The following BICD1 variants were observed in gnomAD, a reference collection of about 807,000 sequenced individuals.
BICD1 encodes BICD cargo adaptor 1.
A neutral mutation model predicts 92.5 loss-of-function variants in BICD1; 35 were observed. The observed-to-expected ratio is 0.38, with a 90% CI of 0.29 to 0.50. The LOEUF (loss-of-function observed/expected upper bound fraction) is 0.50. Ranked by LOEUF, BICD1 falls within the 20% of genes least tolerant of loss-of-function variation. BICD1 has a pLI of 0.93. For missense variants in BICD1, 950 were observed against 1,189.8 expected (o/e 0.80, Z 2.97); for synonymous variants, 429 against 465.1 (o/e 0.92, Z 1.00).
chr12:32,211,140 G>C (rs1945201266), intron 1 of BICD1, among the ~76,000 whole-genome samples: 1 of 152,196 alleles, frequency 6.6e-6, no homozygotes. Context: ...TTAGTTCTCA[G>C]TGGATTTGCA....
chr12:32,358,353 A>C (rs981851562), intron 8 of BICD1, among the ~76,000 whole-genome samples: 12 of 151,740 alleles, frequency 7.9e-5, no homozygotes, highest in Non-Finnish European at 1.3e-4. Context: ...TGCCAGCCTC[A>C]GTTTCCCAAA....
chr12:32,298,309 C>T (rs1947930655), intron 3 of BICD1, among the ~76,000 whole-genome samples: 1 of 152,084 alleles, frequency 6.6e-6, no homozygotes, highest in Non-Finnish European at 1.5e-5. Context: ...TGCCTGGAAT[C>T]CCAGCACTTT....
intron 2 of BICD1, among the ~76,000 whole-genome samples, chr12:32,222,086 C>T (rs1302594462): frequency 6.6e-6 from 1 of 152,130 alleles, no homozygotes; most frequent in East Asian, 1.9e-4. Context: ...CTACTTAATT[C>T]TCCCAATTAC....
intron 1 of BICD1, among the ~76,000 whole-genome samples, chr12:32,142,496 A>ATCTATCTATCTATTGG (rs1555134359): frequency 4.5e-3 from 331 of 73,330 alleles, no homozygotes; most frequent in Admixed American, 9.2e-3. Context: ...CTATTGGTCT[A>ATCTATCTATCTATTGG]TCTATCTAGA....
intron 1 of BICD1, among the ~76,000 whole-genome samples, chr12:32,122,503 AC>A (rs900482174): frequency 6.7e-6 from 1 of 148,604 alleles, no homozygotes; most frequent in African/African-American, 2.5e-5. Context: ...AAAAAAAAAA[AC>A]AAATAACAAA....
intron 2 of BICD1, among the ~76,000 whole-genome samples, chr12:32,230,585 C>T (rs767726295): frequency 2.6e-5 from 4 of 152,048 alleles, no homozygotes; most frequent in African/African-American, 4.8e-5. Flanking sequence ...GTGTTTGCTA[C>T]ATAACAGTAA....
intron 9 of BICD1, 136 bp downstream of exon 9, chr12:32,367,881 C>A: frequency 3.8e-6 from 3 of 779,926 alleles, no homozygotes; most frequent in Non-Finnish European, 6.4e-6. Context: ...GCTACATAGA[C>A]ACACATTGGA....
At chr12:32,142,453 C>CTATCTATCCTAT (rs1238808044) in intron 1 of BICD1, among the ~76,000 whole-genome samples, 17 of 112,894 alleles carry the variant, frequency 1.5e-4, no homozygotes, top group African/African-American at 6.3e-4. Context: ...ACCTATCTAT[C>CTATCTATCCTAT]CTATCTATCT....
intron 8 of BICD1, among the ~76,000 whole-genome samples, chr12:32,349,440 C>T (rs1352303772): frequency 2.0e-5 from 3 of 152,144 alleles, no homozygotes; most frequent in Admixed American, 6.5e-5. Context: ...AACTACTTCC[C>T]TGTCCATTTC....
At chr12:32,350,792 T>G (rs1938832693) in intron 8 of BICD1, among the ~76,000 whole-genome samples, 7 of 152,320 alleles carry the variant, frequency 4.6e-5, no homozygotes, top group Admixed American at 3.3e-4. Context: ...CTCAAAATGG[T>G]TGACTATTCC....
At chr12:32,292,963 G>T (rs1947762786) in intron 2 of BICD1, among the ~76,000 whole-genome samples, 1 of 151,972 alleles carries the variant, frequency 6.6e-6, no homozygotes, top group Non-Finnish European at 1.5e-5. Context: ...TTACTTAATT[G>T]ATTGATTTAT....
In BICD1 at chr12:32,191,566, TTA is replaced by T. The variant is rs778112814; in HGVS notation, c.214-24672_214-24671del. On this transcript the variant is annotated intron_variant, in intron 1 of 9. Transcript: ENST00000652176. Reference sequence around the variant, plus strand: ...TATATCAAAGTTTTTCATTATTGTATTATATATATAATATTATGTATATATAA... The same window carrying T: ...TATATCAAAGTTTTTCATTATTGTATTATATATAATATTATGTATATATAA... 8.8e-5 allele frequency among the ~76,000 whole-genome samples: 13 copies of T among 147,670 alleles called. No homozygotes were observed. The East Asian group carries it at 1.9e-3, about 22-fold the overall frequency.
chr12:32,258,684 G>T (rs918044539), intron 2 of BICD1, among the ~76,000 whole-genome samples: 1 of 152,150 alleles, frequency 6.6e-6, no homozygotes, highest in African/African-American at 2.4e-5. Context: ...AGGACAGGGG[G>T]CCCTTCCCTT....
intron 1 of BICD1, among the ~76,000 whole-genome samples, chr12:32,153,347 T>C (rs1167122837): frequency 6.6e-6 from 1 of 152,194 alleles, no homozygotes; most frequent in Admixed American, 6.5e-5. Flanking sequence ...TCTGTGTCTT[T>C]GCTATTGTGA....
At chr12:32,302,881 T>TTTC (rs386376163) in intron 3 of BICD1, among the ~76,000 whole-genome samples, 2 of 12,858 alleles carry the variant, frequency 1.6e-4, no homozygotes, top group Non-Finnish European at 1.6e-3. Flanking sequence ...CCAATGACCA[T>TTTC]TTTTTTTTTT....
chr12:32,325,733 G>A (rs142289745), intron 4 of BICD1, among the ~76,000 whole-genome samples: 7 of 151,912 alleles, frequency 4.6e-5, no homozygotes, highest in African/African-American at 9.7e-5. Context: ...GCCACCTAGG[G>A]ATTTAGAAGA....
At position 32,107,935 on chromosome 12, in the gene BICD1, G is replaced by A. The variant is rs1941550188; in HGVS notation, c.213+391G>A. 1.7e-5 allele frequency: 9 copies of A among 530,322 alleles called. 1 individual carries two copies. The highest frequency in any genetic ancestry group is 1.0e-4 in the South Asian group (5 of 48,372). The allele number at this position is 530,322 out of a possible 1,614,324, so 32.9% of individuals were successfully genotyped here. The stretch of plus-strand genomic sequence containing the variant: ...AGTCCACAAAAGTGATGAGGTTTGT[G>A]CCTGAGGACCCACAATTTCAGGATT... On this transcript the variant is annotated intron_variant, in intron 1 of 9. Coordinates refer to ENST00000652176, the MANE Select transcript of BICD1 (RefSeq NM_001714.4).
At chr12:32,149,969 G>T (rs1324647138) in intron 1 of BICD1, among the ~76,000 whole-genome samples, 1 of 152,202 alleles carries the variant, frequency 6.6e-6, no homozygotes, top group Non-Finnish European at 1.5e-5. Flanking sequence ...GCAGTTCCAG[G>T]TGGCTGCGGA....
intron 1 of BICD1, among the ~76,000 whole-genome samples, chr12:32,181,131 C>T (rs1944260682): frequency 6.6e-6 from 1 of 151,782 alleles, no homozygotes; most frequent in Non-Finnish European, 1.5e-5. Context: ...AAAAAAATTA[C>T]ACTTTTGGCC....
Sources: allele counts gnomAD v4.1 joint callset (sites outside exome capture counted in the v4.1 genomes callset), GRCh38; gene constraint gnomAD v4.1.1; transcripts MANE v1.5; gene names NCBI Gene and HGNC (gene_info 2026-07-23, HGNC 2026-07-21).